The following GPR143 variants were observed in gnomAD, a reference collection of about 807,000 sequenced individuals.
The protein encoded by GPR143 is G-protein coupled receptor 143.
A neutral mutation model predicts 27.6 loss-of-function variants in GPR143; 8 were observed. The ratio of observed to expected loss-of-function variants is 0.29; its 90% CI spans 0.17 to 0.52. The LOEUF (loss-of-function observed/expected upper bound fraction) is 0.52, where lower values mean the gene tolerates loss of function less well. GPR143 is among the 20% of genes least tolerant of loss of function. The pLI, the probability that GPR143 is intolerant of heterozygous loss-of-function variation, is 0.96. For missense variants in GPR143, 303 were observed against 343.1 expected, an observed-to-expected ratio of 0.88 and a Z score of 0.92; for synonymous variants, 156 against 153.2, an observed-to-expected ratio of 1.02 and a Z score of -0.13.
chrX:9,768,551 G>A (rs1235711026), upstream of GPR143, among the ~76,000 whole-genome samples: 2 of 111,824 alleles, frequency 1.8e-5, no homozygotes, highest in Non-Finnish European at 3.8e-5. Context: ...GTGCTGCTGC[G>A]CACCTGTAGT....
At chrX:9,775,352 G>A (rs372250330) in intron 1 of GPR143, among the ~76,000 whole-genome samples, 1 of 112,091 alleles carries the variant, frequency 8.9e-6, no homozygotes, top group East Asian at 2.8e-4. Flanking sequence ...GAGCCAGGTG[G>A]TCTCAGCATG....
chrX:9,746,537 T>C (rs2083429237), intron 4 of GPR143, among the ~76,000 whole-genome samples: 1 of 111,314 alleles, frequency 9.0e-6, no homozygotes. Flanking sequence ...AGTGAGGTTT[T>C]GAGTACTTAC....
chrX:9,773,880 A>C (rs1015333496), intron 1 of GPR143, among the ~76,000 whole-genome samples: 3 of 111,520 alleles, frequency 2.7e-5, no homozygotes, highest in Non-Finnish European at 5.6e-5. Flanking sequence ...AATAATAAAG[A>C]ATTTTAGAAA....
intron 1 of GPR143, among the ~76,000 whole-genome samples, chrX:9,765,023 C>CAAAAA (rs549035721): frequency 1.2e-5 from 1 of 86,261 alleles, no homozygotes; most frequent in Non-Finnish European, 2.2e-5. Context: ...GACTCCGTCT[C>CAAAAA]AAAAAAAAAA....
intron 8 of GPR143, among the ~76,000 whole-genome samples, chrX:9,731,283 C>T (rs773935234): frequency 2.0e-4 from 22 of 110,943 alleles, no homozygotes; most frequent in Admixed American, 5.8e-4. Context: ...GCAGGAGAAT[C>T]GCTTGAGCCC....
intron 2 of GPR143, among the ~76,000 whole-genome samples, chrX:9,759,810 C>T (rs1182555368): frequency 9.0e-6 from 1 of 111,434 alleles, no homozygotes; most frequent in Non-Finnish European, 1.9e-5. Context: ...AGTAAGGGGA[C>T]TCCAGTGTTA....
At chrX:9,768,643 A>G (rs767860192), upstream of GPR143, among the ~76,000 whole-genome samples, 1 of 110,645 alleles carries the variant, frequency 9.0e-6, no homozygotes, top group East Asian at 2.8e-4. Context: ...TTGCACCACC[A>G]AACTCCAGCT....
At chrX:9,732,280 C>A (rs960659323) in intron 8 of GPR143, among the ~76,000 whole-genome samples, 1 of 110,951 alleles carries the variant, frequency 9.0e-6, no homozygotes, top group Non-Finnish European at 1.9e-5. Context: ...GTGTGAAGGA[C>A]AGGAACTGTG....
intron 1 of GPR143, among the ~76,000 whole-genome samples, chrX:9,777,945 G>C (rs1174937784): frequency 9.0e-6 from 1 of 110,519 alleles, no homozygotes; most frequent in African/African-American, 3.3e-5. Flanking sequence ...AAAAAAATTA[G>C]CTGGGTGTGG....
chrX:9,737,971 G>C (rs1322233980), intron 8 of GPR143, among the ~76,000 whole-genome samples: 1 of 112,139 alleles, frequency 8.9e-6, no homozygotes, highest in East Asian at 2.8e-4. Flanking sequence ...CTACACTCTA[G>C]CCTGGATGAC....
chrX:9,733,525 G>T (rs2083365232), intron 8 of GPR143, among the ~76,000 whole-genome samples: 2 of 111,571 alleles, frequency 1.8e-5, no homozygotes, highest in South Asian at 7.5e-4. Context: ...AAGATTCACG[G>T]CATTATGAAA....
At chrX:9,775,861 T>C (rs2083569414) in intron 1 of GPR143, among the ~76,000 whole-genome samples, 1 of 112,026 alleles carries the variant, frequency 8.9e-6, no homozygotes, top group Non-Finnish European at 1.9e-5. Context: ...AGGACAGACA[T>C]GCCTATACAC....
At chrX:9,773,762 G>C (rs1324118578) in intron 1 of GPR143, among the ~76,000 whole-genome samples, 1 of 109,030 alleles carries the variant, frequency 9.2e-6, no homozygotes, top group Non-Finnish European at 1.9e-5. Flanking sequence ...TACCTGGGAG[G>C]CTAAGGTGGG....
chrX:9,770,323 AAG>A (rs201287124), upstream of GPR143, among the ~76,000 whole-genome samples: 3,951 of 88,917 alleles, frequency 0.044, 127 homozygotes, highest in African/African-American at 0.094. Context: ...AAGAAAGAAA[AAG>A]AGAGAGAGAG....
At chrX:9,728,197 C>A (rs2083336910) in intron 8 of GPR143, among the ~76,000 whole-genome samples, 1 of 110,926 alleles carries the variant, frequency 9.0e-6, no homozygotes, top group Non-Finnish European at 1.9e-5. Flanking sequence ...GTACCTAATG[C>A]CCCAGACAAC....
upstream of GPR143, among the ~76,000 whole-genome samples, chrX:9,769,252 C>T (rs1313211532): frequency 3.6e-5 from 4 of 111,787 alleles, no homozygotes; most frequent in Non-Finnish European, 7.5e-5. Flanking sequence ...ACAGTTTGGG[C>T]TGCCTGGGGC....
At chrX:9,750,075 T>G (rs772202315) in intron 3 of GPR143, among the ~76,000 whole-genome samples, 1 of 112,478 alleles carries the variant, frequency 8.9e-6, no homozygotes, top group Admixed American at 9.4e-5. Flanking sequence ...CTTTCTTCCC[T>G]TTTTCTGACT....
chrX:9,775,165 C>T (rs1010040481), intron 1 of GPR143, among the ~76,000 whole-genome samples: 2 of 112,373 alleles, frequency 1.8e-5, no homozygotes, highest in Admixed American at 1.9e-4. Flanking sequence ...GTTTTGAACA[C>T]AGACTTAGAA....
chrX:9,752,863 GAAAA>G (rs200230731), intron 3 of GPR143, among the ~76,000 whole-genome samples: 2 of 107,857 alleles, frequency 1.9e-5, no homozygotes, highest in African/African-American at 6.8e-5. Flanking sequence ...AAGAAAGAAA[GAAAA>G]AAAAAGGAAT....
Sources: gnomAD v4.1 joint callset for allele counts (sites outside exome capture counted in the v4.1 genomes callset) on GRCh38, gnomAD v4.1.1 for gene constraint, MANE v1.5 for transcripts, NCBI Gene and HGNC (gene_info 2026-07-23, HGNC 2026-07-21) for gene names.